The following TXLNB variants were observed in gnomAD, a reference collection of about 807,000 sequenced individuals.
TXLNB encodes taxilin beta.
TXLNB carries 37 observed loss-of-function variants against 57.4 expected under a neutral mutation model. The ratio of observed to expected loss-of-function variants is 0.64; its 90% CI spans 0.50 to 0.85. The LOEUF (loss-of-function observed/expected upper bound fraction) is 0.85. TXLNB is among the 40% of genes least tolerant of loss of function. The pLI is 0.00. For synonymous variants in TXLNB, 302 were observed against 309.6 expected (o/e 0.98, Z 0.26); for missense variants, 848 against 825.6 (o/e 1.03, Z -0.33).
chr6:139,196,532 A>T, the TXLNB span, among the ~76,000 whole-genome samples: 1 of 151,430 alleles, frequency 6.6e-6, no homozygotes, highest in Non-Finnish European at 1.5e-5. Flanking sequence ...CCACCACCAT[A>T]CCCAGCTAAG....
chr6:139,201,603 C>T, the TXLNB span: 2 of 152,126 alleles, frequency 1.3e-5, no homozygotes, highest in Admixed American at 6.5e-5. Flanking sequence ...AAGTAAATGC[C>T]AATTAAATCA....
At chr6:139,182,793 G>C in the TXLNB span, among the ~76,000 whole-genome samples, 3 of 152,046 alleles carry the variant, frequency 2.0e-5, no homozygotes, top group Admixed American at 2.0e-4. Context: ...GCTCTACCTG[G>C]CATTGCTAAG....
chr6:139,220,719 A>C, the TXLNB span, among the ~76,000 whole-genome samples: 1 of 152,226 alleles, frequency 6.6e-6, no homozygotes, highest in Non-Finnish European at 1.5e-5. Flanking sequence ...TTACTTGCCC[A>C]GTTTCAACCG....
At chr6:139,250,375 T>TC (rs1776173237) in intron 7 of TXLNB, among the ~76,000 whole-genome samples, 1 of 137,616 alleles carries the variant, frequency 7.3e-6, no homozygotes, top group African/African-American at 2.8e-5. Context: ...TTTTTTTTTT[T>TC]CAAAATACTG....
At chr6:139,249,625 G>A (rs981713559) in intron 7 of TXLNB, among the ~76,000 whole-genome samples, 1 of 152,142 alleles carries the variant, frequency 6.6e-6, no homozygotes. Flanking sequence ...GGGTGTGGGT[G>A]TGAGAGGGAG....
chr6:139,276,995 G>C, intron 2 of TXLNB, 74 bp from the exon 3 acceptor site: 1 of 1,100,992 alleles, frequency 9.1e-7, no homozygotes, highest in Non-Finnish European at 1.3e-6. Context: ...GTCTCAGATT[G>C]ACCACTTGCT....
intron 2 of TXLNB, chr6:139,277,324 A>G (rs558559055): frequency 1.3e-5 from 2 of 155,590 alleles, no homozygotes; most frequent in African/African-American, 4.8e-5. Context: ...AAAACAGCCA[A>G]TCAAAATTTC....
At chr6:139,282,929 C>G (rs1777087185) in intron 2 of TXLNB, among the ~76,000 whole-genome samples, 1 of 144,660 alleles carries the variant, frequency 6.9e-6, no homozygotes, top group African/African-American at 2.5e-5. Context: ...TCAGAATAGC[C>G]CTGTGAATGA....
the TXLNB span, among the ~76,000 whole-genome samples, chr6:139,198,414 G>A: frequency 4.6e-5 from 7 of 152,086 alleles, 1 homozygote; most frequent in East Asian, 1.3e-3. Context: ...TGGAATGGGA[G>A]GTGACTATAA....
the TXLNB span, among the ~76,000 whole-genome samples, chr6:139,235,040 G>T: frequency 2.0e-5 from 3 of 152,248 alleles, no homozygotes; most frequent in Non-Finnish European, 4.4e-5. Flanking sequence ...TGACTACCTA[G>T]TTGGATTTAG....
chr6:139,305,534 G>A, the TXLNB span, among the ~76,000 whole-genome samples: 2 of 152,198 alleles, frequency 1.3e-5, no homozygotes, highest in East Asian at 3.9e-4. Context: ...ATAAAAAACA[G>A]TTCAATGAAA....
intron 5 of TXLNB, among the ~76,000 whole-genome samples, chr6:139,261,286 T>C (rs1193481993): frequency 2.0e-5 from 3 of 152,216 alleles, no homozygotes; most frequent in African/African-American, 7.2e-5. Flanking sequence ...CTATCTTCTT[T>C]AGTCTGAACC....
At chr6:139,244,551 T>G (rs1184552412) in intron 9 of TXLNB, 44 bp downstream of exon 9, 1 of 1,284,922 alleles carries the variant, frequency 7.8e-7, no homozygotes, top group African/African-American at 1.5e-5. Context: ...TTGAATGTTT[T>G]GACTAGACAG....
chr6:139,254,110 G>C (rs536816302), intron 7 of TXLNB, among the ~76,000 whole-genome samples: 2 of 152,152 alleles, frequency 1.3e-5, no homozygotes, highest in African/African-American at 4.8e-5. Context: ...TATGTATCTA[G>C]TGTATTAAGA....
At position 139,241,420 on chromosome 6, in the gene TXLNB, G is replaced by A. The variant is rs1375917451; in HGVS notation, c.*1106C>T. On this transcript the variant is annotated 3_prime_UTR_variant, in exon 10 of 10. Coordinates refer to ENST00000358430, the MANE Select transcript of TXLNB (RefSeq NM_153235.4). ...AGCAGAAGCTTTTAGAATATAGAAT[G>A]GGTCTGACAGCAAGAGATGAATATT... 6.6e-6 allele frequency: 1 copy of A among 152,208 alleles called. No individual in the cohort carries two copies. Among genetic ancestry groups the A allele is most frequent in the Non-Finnish European group, 1.5e-5 (1 of 68,042 alleles). The allele number at this position is 152,208 out of a possible 1,614,324, so 9.4% of individuals were successfully genotyped here. A position where few individuals can be genotyped will look rare whatever the true frequency, so the allele number is the denominator to read the frequency against.
At chr6:139,220,277 TA>T in the TXLNB span, among the ~76,000 whole-genome samples, 1 of 152,218 alleles carries the variant, frequency 6.6e-6, no homozygotes, top group Non-Finnish European at 1.5e-5. Flanking sequence ...CTGCAAGAAA[TA>T]AATTTCTGTT....
chr6:139,159,578 G>A, the TXLNB span, among the ~76,000 whole-genome samples: 1 of 152,180 alleles, frequency 6.6e-6, no homozygotes, highest in Admixed American at 6.5e-5. Context: ...ACTGAATCTA[G>A]GAGACCTGGC....
At chr6:139,216,507 G>C in the TXLNB span, among the ~76,000 whole-genome samples, 4 of 150,810 alleles carry the variant, frequency 2.7e-5, no homozygotes, top group African/African-American at 9.7e-5. Flanking sequence ...GATAGCATTA[G>C]GAGATATACC....
chr6:139,218,192 C>T, the TXLNB span, among the ~76,000 whole-genome samples: 2 of 152,104 alleles, frequency 1.3e-5, no homozygotes, highest in Non-Finnish European at 2.9e-5. Flanking sequence ...TAATAGGGTG[C>T]TTAATTACTA....
Sources: gnomAD v4.1 joint callset for allele counts (sites outside exome capture counted in the v4.1 genomes callset) on GRCh38, gnomAD v4.1.1 for gene constraint, MANE v1.5 for transcripts, NCBI Gene and HGNC (gene_info 2026-07-23, HGNC 2026-07-21) for gene names.